Variants in URGCP observed in about 807,000 individuals in gnomAD.
URGCP encodes upregulator of cell proliferation.
Under a neutral mutation model 24.6 loss-of-function variants are expected in URGCP, and 13 were observed. The observed-to-expected ratio is 0.53, with a 90% CI of 0.34 to 0.84. The LOEUF (loss-of-function observed/expected upper bound fraction) is 0.84. Ranked by LOEUF, URGCP falls within the 40% of genes least tolerant of loss-of-function variation. URGCP has a pLI of 0.01. For synonymous variants in URGCP, 444 were observed against 487.2 expected (o/e 0.91, Z 1.17); for missense variants, 899 against 1,194.3 (o/e 0.75, Z 3.64).
intron 1 of URGCP, among the ~76,000 whole-genome samples, chr7:43,895,021 C>T (rs576886097): frequency 5.5e-4 from 84 of 152,118 alleles, no homozygotes; most frequent in Admixed American, 2.2e-3. Flanking sequence ...CAGAGAAAGA[C>T]TCTGTCTCAA....
At chr7:43,888,591 GCTAA>G (rs1417960460) in intron 1 of URGCP, 1 of 152,194 alleles carries the variant, frequency 6.6e-6, no homozygotes, top group Non-Finnish European at 1.5e-5. Flanking sequence ...GAGCCAGGGT[GCTAA>G]CTAACTGCTG....
Position 43,878,656 on chromosome 7 carries a change from G to A in URGCP, c.807C>T (p.Asp269=), listed in dbSNP as rs756794813. ...GCTGGGACTTGGAGTTGCTACTGAC[G>A]TCCATGCGCACGAAGGCGAAGGCGG... ...RAPAFAFVRM[D]VSSNSKSQLL... Residue 269 remains aspartate, a synonymous_variant, in exon 6 of 6, where the codon GAC becomes GAT. Coordinates refer to ENST00000453200, the MANE Select transcript of URGCP (RefSeq NM_001077663.3). This position sits in a 1 kb window ranked among gnomAD's most constrained non-coding sequence, Gnocchi z 5.6. 6.2e-6 allele frequency: 10 copies of A among 1,613,360 alleles called. No homozygotes were observed. The highest frequency in any genetic ancestry group is 8.5e-6 in the Non-Finnish European group (10 of 1,180,044).
chr7:43,916,668 T>C (rs1333563688), intron 1 of URGCP, among the ~76,000 whole-genome samples: 3 of 148,344 alleles, frequency 2.0e-5, no homozygotes, highest in Non-Finnish European at 4.4e-5. Flanking sequence ...ACAGAGAAGA[T>C]AAGGCATATA....
At chr7:43,906,467 C>T in intron 1 of URGCP, 95 bp downstream of exon 1, 1 of 1,091,196 alleles carries the variant, frequency 9.2e-7, no homozygotes, top group African/African-American at 1.7e-5. Flanking sequence ...CGGGCCGCAT[C>T]CCAGACCAGA....
chr7:43,906,711 G>A, upstream of URGCP: 1 of 776,700 alleles, frequency 1.3e-6, no homozygotes, highest in Non-Finnish European at 1.6e-6. Context: ...GGGTGAGGTG[G>A]GGTAAGGTGG....
At position 43,879,144 on chromosome 7, in the gene URGCP, C is replaced by T; in HGVS notation, c.319G>A (p.Ala107Thr). ...GGCAAGTCTTTGGGAACCTGAGGGGCCCAGTTCTTCATACTGTCAAAACTG... is the reference window on the plus strand; with the variant it reads ...GGCAAGTCTTTGGGAACCTGAGGGGTCCAGTTCTTCATACTGTCAAAACTG... The part of the protein sequence containing the change: ...QISFDSMKNW[A>T]PQVPKDLPWN... Residue 107 changes from alanine (A) to threonine (T), a missense_variant, in exon 6 of 6, where the codon GCC becomes ACC. Transcript: ENST00000453200. The T allele has an allele frequency of 1.2e-6, 2 of 1,614,156 alleles. No individual in the cohort carries two copies. Among genetic ancestry groups the T allele is most frequent in the Non-Finnish European group, 1.7e-6 (2 of 1,180,036 alleles).
rs1585786625 is a variant in URGCP, at chr7:43,878,389, C to T, written c.1074G>A (p.Val358=). ...TACTGATATTGTCAGTCAATATAAA[C>T]ACAGCGGAGGAGATTTCTGTCAAGA... ...FKLLTEISSA[V]FILTDNISKK... is the part of the protein sequence containing the mutation. Residue 358 remains valine (V), a synonymous_variant, in exon 6 of 6, where the codon GTG becomes GTA. Coordinates refer to ENST00000453200, the MANE Select transcript of URGCP (RefSeq NM_001077663.3). This position sits in a 1 kb window ranked among gnomAD's most constrained non-coding sequence, Gnocchi z 5.6. The T allele has an allele frequency of 6.2e-7, 1 of 1,614,124 alleles. No homozygotes were observed. Among genetic ancestry groups the T allele is most frequent in the African/African-American group, 1.3e-5 (1 of 74,928 alleles).
chr7:43,891,545 A>G (rs1041005184), intron 1 of URGCP, among the ~76,000 whole-genome samples: 2 of 152,166 alleles, frequency 1.3e-5, no homozygotes, highest in Non-Finnish European at 2.9e-5. Context: ...GCTGATAGAA[A>G]AATGCAAATT....
At chr7:43,880,822 T>C (rs992514454) in intron 5 of URGCP, among the ~76,000 whole-genome samples, 3 of 152,206 alleles carry the variant, frequency 2.0e-5, no homozygotes, top group Non-Finnish European at 4.4e-5. Context: ...GCAACGTGTA[T>C]GATACTGCTT....
rs188950668 is a variant in URGCP at position 43,912,116 on chromosome 7, T to A, written c.-116+14016A>T. 3.2e-4 allele frequency among the ~76,000 whole-genome samples: 48 copies of A among 152,188 alleles called. 1 individual carries two copies. In the East Asian group the frequency reaches 9.2e-3, roughly 29 times the overall value. On this transcript the variant is annotated intron_variant, in intron 1 of 5. Coordinates refer to the URGCP transcript ENST00000426198. ...ATTTAAAACAAAGAAAGATCTCAAC[T>A]CAATAACTTAGCTCTATACCTTAAA... is the stretch of plus-strand genomic sequence containing the variant.
chr7:43,916,838 T>C (rs1275169464), intron 1 of URGCP, among the ~76,000 whole-genome samples: 3 of 151,422 alleles, frequency 2.0e-5, no homozygotes, highest in South Asian at 4.2e-4. Context: ...CTCTCCCTCA[T>C]GTACCTCGGG....
Position 43,887,472 on chromosome 7 carries a change from C to T in URGCP, c.55G>A (p.Gly19Arg), listed in dbSNP as rs1461254939. Residue 19 changes from glycine to arginine, a missense_variant, in exon 3 of 6, where the codon GGA becomes AGA. Gly to Arg is a moderately radical substitution (Grantham distance 125). Coordinates refer to ENST00000453200, the MANE Select transcript of URGCP (RefSeq NM_001077663.3). ...GCTTTTATTTCTGGGGCTACTTCTC[C>T]CAAATCTGAATGCCTGAAACAATTT... ...ELLGKGHSDL[G>R]EVAPEIKASE... 1.2e-6 allele frequency: 2 copies of T among 1,613,500 alleles called. No individual in the cohort carries two copies. Among genetic ancestry groups the T allele is most frequent in the East Asian group, 2.2e-5 (1 of 44,872 alleles).
intron 1 of URGCP, among the ~76,000 whole-genome samples, chr7:43,918,112 A>G (rs2095917350): frequency 6.6e-6 from 1 of 151,946 alleles, no homozygotes; most frequent in Admixed American, 6.6e-5. Context: ...TGTCTCTACT[A>G]AAAATACAAA....
chr7:43,878,747 C>G lies in URGCP; in HGVS notation c.716G>C (p.Trp239Ser). ...CATGCCCCTTGGGGGCTGGGACCAC[C>G]ATGTCCTCACAATGCCCCGCATGGC... ...LWAMRGIVRT[W>S]WSQPPRGMGS... Residue 239 changes from tryptophan to serine, a missense_variant, in exon 6 of 6, where the codon TGG becomes TCG. Physicochemically the swap from Trp to Ser is radical, Grantham distance 177. Transcript: ENST00000453200. The surrounding 1 kb of genome is among the most constrained non-coding windows in gnomAD (Gnocchi z 5.6). 6.2e-7 allele frequency: 1 copy of G among 1,614,130 alleles called. No individual in the cohort carries two copies. The highest frequency in any genetic ancestry group is 8.5e-7 in the Non-Finnish European group (1 of 1,179,992).
chr7:43,878,518 G>A lies in URGCP; in HGVS notation c.945C>T (p.Ser315=), dbSNP rs778675752. 1.2e-6 allele frequency: 2 copies of A among 1,614,090 alleles called. No individual in the cohort carries two copies. Among genetic ancestry groups the A allele is most frequent in the Non-Finnish European group, 1.7e-6 (2 of 1,180,056 alleles). The change falls in exon 6 of 6, where the codon TCC becomes TCT. Residue 315 remains serine, a synonymous_variant. Coordinates refer to ENST00000453200, the MANE Select transcript of URGCP (RefSeq NM_001077663.3). This position sits in a 1 kb window ranked among gnomAD's most constrained non-coding sequence, Gnocchi z 5.6. The part of the protein sequence containing the change: ...REISDGLVEI[S]WFFPSGREDL... ...CCTCCCTTCCGCTGGGAAAAAACCA[G>A]GAAATTTCTACCAACCCATCCGAAA...
In URGCP at chr7:43,878,732, G is replaced by T; in HGVS notation, c.731C>A (p.Pro244Gln). 1 of 1,614,102 alleles carries T rather than the reference G, an allele frequency of 6.2e-7. No homozygotes were observed. Residue 244 changes from proline (P) to glutamine (Q), a missense_variant, in exon 6 of 6, where the codon CCA becomes CAA. Physicochemically the swap from Pro to Gln is moderately conservative, Grantham distance 76. Transcript: ENST00000453200. The surrounding 1 kb of genome is among the most constrained non-coding windows in gnomAD (Gnocchi z 5.6). ...GIVRTWWSQP[P>Q]RGMGSFREDS... Reference sequence around the variant, plus strand: ...TTCCCGGAAGCTCCCCATGCCCCTTGGGGGCTGGGACCACCATGTCCTCAC... The same window carrying T: ...TTCCCGGAAGCTCCCCATGCCCCTTTGGGGCTGGGACCACCATGTCCTCAC...
At chr7:43,903,335 A>G (rs2132708553) in intron 1 of URGCP, among the ~76,000 whole-genome samples, 1 of 152,310 alleles carries the variant, frequency 6.6e-6, no homozygotes, top group South Asian at 2.1e-4. Flanking sequence ...GTAAATGCAA[A>G]GGAAAACATC....
chr7:43,920,443 G>A (rs528915362), intron 1 of URGCP, among the ~76,000 whole-genome samples: 2 of 152,180 alleles, frequency 1.3e-5, no homozygotes, highest in Non-Finnish European at 2.9e-5. Context: ...CTTGCCTGTA[G>A]TCCTAGCTAC....
At chr7:43,909,395 C>G (rs368703636), upstream of URGCP, among the ~76,000 whole-genome samples, 13 of 152,182 alleles carry the variant, frequency 8.5e-5, no homozygotes, top group African/African-American at 2.9e-4. Context: ...GTAACTTTTA[C>G]AATTTTTCAA....
Sources: allele counts gnomAD v4.1 joint callset (sites outside exome capture counted in the v4.1 genomes callset), GRCh38; gene constraint gnomAD v4.1.1; non-coding constraint Gnocchi (gnomAD v3.1); transcripts MANE v1.5; gene names NCBI Gene and HGNC (gene_info 2026-07-23, HGNC 2026-07-21).